Variants in PAK5 observed in about 807,000 individuals in gnomAD.
PAK5 encodes the protein p21 (RAC1) activated kinase 5.
PAK5 carries 16 observed loss-of-function variants against 65.9 expected under a neutral mutation model. That is an observed-to-expected ratio of 0.24 (90% CI 0.16 to 0.37). The LOEUF (loss-of-function observed/expected upper bound fraction) is 0.37, where lower values mean the gene tolerates loss of function less well. Among genes scored for constraint, PAK5 ranks in the 10% least tolerant of loss-of-function variants. The probability of loss-of-function intolerance (pLI) is 1.00; values close to 1 mark genes in which losing one functional copy is unlikely to be tolerated. For synonymous variants in PAK5, 371 were observed against 354.9 expected, an observed-to-expected ratio of 1.05 and a Z score of -0.51; for missense variants, 785 against 903.9, an observed-to-expected ratio of 0.87 and a Z score of 1.69.
intron 2 of PAK5, among the ~76,000 whole-genome samples, chr20:9,674,186 T>C (rs2047537263): frequency 6.6e-6 from 1 of 151,778 alleles, no homozygotes; most frequent in African/African-American, 2.4e-5. Flanking sequence ...TAAGACTGAG[T>C]TTCCAAGTCT....
intron 2 of PAK5, among the ~76,000 whole-genome samples, chr20:9,700,044 A>T (rs892498071): frequency 6.6e-6 from 1 of 152,160 alleles, no homozygotes; most frequent in Non-Finnish European, 1.5e-5. Context: ...AGAATCACAC[A>T]TACATACATT....
At chr20:9,592,537 G>A (rs529614566) in intron 3 of PAK5, among the ~76,000 whole-genome samples, 42 of 152,228 alleles carry the variant, frequency 2.8e-4, no homozygotes, top group African/African-American at 8.9e-4. Context: ...CATACTTTAC[G>A]TTTATGATTT....
intron 3 of PAK5, among the ~76,000 whole-genome samples, chr20:9,587,717 G>T (rs1018568260): frequency 6.6e-6 from 1 of 152,132 alleles, no homozygotes; most frequent in African/African-American, 2.4e-5. Context: ...AAGCTCTCAG[G>T]TGATGAGGAT....
intron 2 of PAK5, among the ~76,000 whole-genome samples, chr20:9,709,387 GA>G (rs1227397848): frequency 1.3e-5 from 2 of 152,160 alleles, no homozygotes; most frequent in Non-Finnish European, 1.5e-5. Flanking sequence ...AAGGTGCTGT[GA>G]AAAGTCTAAA....
chr20:9,603,880 A>G (rs566824005), intron 3 of PAK5, among the ~76,000 whole-genome samples: 1 of 152,338 alleles, frequency 6.6e-6, no homozygotes, highest in Non-Finnish European at 1.5e-5. Context: ...GTCTAGCTAC[A>G]GAACCCACAT....
At chr20:9,647,876 T>C (rs1014388806) in intron 2 of PAK5, among the ~76,000 whole-genome samples, 1 of 152,220 alleles carries the variant, frequency 6.6e-6, no homozygotes. Context: ...CAGCAGTGGC[T>C]ACTACTCTGT....
intron 3 of PAK5, among the ~76,000 whole-genome samples, chr20:9,638,039 T>C (rs1211418056): frequency 1.3e-5 from 2 of 152,176 alleles, no homozygotes; most frequent in Non-Finnish European, 2.9e-5. Flanking sequence ...ATGCAAGTTA[T>C]CAGGCTCACT....
chr20:9,838,952 A>C lies in PAK5; in HGVS notation c.-352T>G, dbSNP rs1448950295. 1 of 152,624 alleles carries C rather than the reference A, an allele frequency of 6.6e-6. No individual in the cohort carries two copies. Among genetic ancestry groups the C allele is most frequent in the African/African-American group, 2.4e-5 (1 of 41,398 alleles). 9.5% of individuals were successfully genotyped at this position (152,624 alleles called of 1,614,324 possible). On this transcript the variant is annotated 5_prime_UTR_variant, in exon 1 of 10. Coordinates refer to ENST00000353224, the MANE Select transcript of PAK5 (RefSeq NM_177990.4). The surrounding 1 kb of genome is among the most constrained non-coding windows in gnomAD (Gnocchi z 4.5). ...GCCACAGCTTTCTACTCTCCACCCAAACCTCCCCCAGCTACTGAGCATGCC... is the reference window on the plus strand; with the variant it reads ...GCCACAGCTTTCTACTCTCCACCCACACCTCCCCCAGCTACTGAGCATGCC...
chr20:9,539,846 G>A (rs1018445706), intron 9 of PAK5, among the ~76,000 whole-genome samples: 1 of 152,166 alleles, frequency 6.6e-6, no homozygotes, highest in African/African-American at 2.4e-5. Context: ...AACTAAGAAT[G>A]AAAACTTATT....
intron 1 of PAK5, among the ~76,000 whole-genome samples, chr20:9,802,979 A>T (rs1229102661): frequency 7.0e-5 from 10 of 143,382 alleles, no homozygotes; most frequent in African/African-American, 2.6e-4. Context: ...TTAAAGAAAA[A>T]AAAAGCTCCA....
At chr20:9,790,925 G>T (rs773139105) in intron 1 of PAK5, among the ~76,000 whole-genome samples, 1 of 152,072 alleles carries the variant, frequency 6.6e-6, no homozygotes, top group East Asian at 1.9e-4. Context: ...CTCATCTTCC[G>T]TGGCCTCTCC....
chr20:9,689,124 C>G (rs1356741416), intron 2 of PAK5, among the ~76,000 whole-genome samples: 2 of 152,190 alleles, frequency 1.3e-5, no homozygotes, highest in Admixed American at 1.3e-4. Context: ...TAATTAACGT[C>G]TGTAGTTGAA....
At chr20:9,786,858 T>C (rs1409579617) in intron 1 of PAK5, among the ~76,000 whole-genome samples, 1 of 152,124 alleles carries the variant, frequency 6.6e-6, no homozygotes, top group Non-Finnish European at 1.5e-5. Context: ...CCTGTTGAGA[T>C]TCTATCATGC....
intron 3 of PAK5, among the ~76,000 whole-genome samples, chr20:9,581,492 C>G (rs896939587): frequency 2.0e-5 from 3 of 152,238 alleles, no homozygotes; most frequent in Admixed American, 6.5e-5. Flanking sequence ...ATGGATGAGG[C>G]AGGCACTTCC....
intron 1 of PAK5, among the ~76,000 whole-genome samples, chr20:9,750,733 A>C (rs2048566176): frequency 6.6e-6 from 1 of 152,048 alleles, no homozygotes; most frequent in Admixed American, 6.6e-5. Flanking sequence ...TTCCACCCCA[A>C]CCTGCCCAAT....
intron 9 of PAK5, among the ~76,000 whole-genome samples, chr20:9,541,701 G>A (rs1250503595): frequency 6.6e-6 from 1 of 152,140 alleles, no homozygotes; most frequent in African/African-American, 2.4e-5. Flanking sequence ...TTAAATCAGT[G>A]ATAGGGTTTG....
rs936259737 is a variant in PAK5 at position 9,671,184 on chromosome 20, G to A, written c.-11-26845C>T. The stretch of plus-strand genomic sequence containing the variant: ...CTGTTTGGGTTACTGTAGCCTTGTA[G>A]TATAGTTTGAAGTCAGGTAGCATGA... On this transcript the variant is annotated intron_variant, in intron 2 of 9. Transcript: ENST00000353224. 2.4e-4 allele frequency among the ~76,000 whole-genome samples: 36 copies of A among 152,298 alleles called. No homozygotes were observed. In the East Asian group the frequency reaches 3.7e-3, roughly 16 times the overall value.
chr20:9,830,900 C>T (rs1314847953), intron 1 of PAK5, among the ~76,000 whole-genome samples: 6 of 152,292 alleles, frequency 3.9e-5, no homozygotes, highest in African/African-American at 1.4e-4. Context: ...ACCCCTAAGT[C>T]CTAGGGTAAT....
intron 3 of PAK5, among the ~76,000 whole-genome samples, chr20:9,640,638 A>G (rs571451048): frequency 6.6e-6 from 1 of 152,280 alleles, no homozygotes; most frequent in Admixed American, 6.5e-5. Context: ...GGTGAGTGTT[A>G]CAGCTCTTAA....
Sources: gnomAD v4.1 joint callset for allele counts (sites outside exome capture counted in the v4.1 genomes callset) on GRCh38, gnomAD v4.1.1 for gene constraint, Gnocchi (gnomAD v3.1) non-coding constraint, MANE v1.5 for transcripts, NCBI Gene and HGNC (gene_info 2026-07-23, HGNC 2026-07-21) for gene names.